CDH3: variants seen among roughly 807,000 people sequenced by gnomAD.
The protein encoded by CDH3 is cadherin 3.
CDH3 carries 54 observed loss-of-function variants against 82.0 expected under a neutral mutation model. The ratio of observed to expected loss-of-function variants is 0.66; its 90% CI spans 0.53 to 0.83. The LOEUF (loss-of-function observed/expected upper bound fraction) is 0.83. Among genes scored for constraint, CDH3 ranks in the 40% least tolerant of loss-of-function variants. The pLI is 0.00. For missense variants in CDH3, 1,054 were observed against 1,084.6 expected, an observed-to-expected ratio of 0.97 and a Z score of 0.40; for synonymous variants, 446 against 437.9, an observed-to-expected ratio of 1.02 and a Z score of -0.23.
intron 1 of CDH3, among the ~76,000 whole-genome samples, chr16:68,721,031 G>A (rs1015624415): frequency 6.6e-6 from 1 of 151,990 alleles, no homozygotes. Flanking sequence ...TAATTGACAA[G>A]AACCTAGGTG....
At chr16:68,650,089 G>T (rs1223700884) in intron 2 of CDH3, among the ~76,000 whole-genome samples, 1 of 151,752 alleles carries the variant, frequency 6.6e-6, no homozygotes, top group Admixed American at 6.6e-5. Flanking sequence ...ATGGAGAGGG[G>T]GTCAGGTTTA....
intron 2 of CDH3, among the ~76,000 whole-genome samples, chr16:68,670,642 T>C (rs1259302863): frequency 6.6e-6 from 1 of 152,252 alleles, no homozygotes; most frequent in Non-Finnish European, 1.5e-5. Context: ...ATGATGGTTC[T>C]GTGAAGTGTA....
At chr16:68,648,990 G>A (rs1300259468) in intron 2 of CDH3, among the ~76,000 whole-genome samples, 1 of 152,058 alleles carries the variant, frequency 6.6e-6, no homozygotes, top group African/African-American at 2.4e-5. Flanking sequence ...AGGTTAATCT[G>A]GAGGGAAGGA....
At chr16:68,731,431 C>CAT (rs1444854253), downstream of CDH3, among the ~76,000 whole-genome samples, 50 of 20,450 alleles carry the variant, frequency 2.4e-3, 1 homozygote, top group African/African-American at 0.011. Context: ...CACATATATA[C>CAT]ACATATATAT....
chr16:68,655,623 C>T (rs1960392963), intron 2 of CDH3, among the ~76,000 whole-genome samples: 1 of 152,174 alleles, frequency 6.6e-6, no homozygotes, highest in African/African-American at 2.4e-5. Context: ...GCAGGCGGAT[C>T]ACTTGAGGTC....
chr16:68,712,931 C>T (rs1227551080), intron 1 of CDH3, among the ~76,000 whole-genome samples: 1 of 152,158 alleles, frequency 6.6e-6, no homozygotes, highest in East Asian at 1.9e-4. Context: ...ATCCACCCGC[C>T]TCAGCCTCCC....
Position 68,695,838 on chromosome 16 carries a change from A to G in CDH3, c.2195A>G (p.Asn732Ser). The G allele has an allele frequency of 6.2e-7, 1 of 1,614,110 alleles. No individual in the cohort carries two copies. Residue 732 changes from asparagine (N) to serine (S), a missense_variant, in exon 15 of 16, where the codon AAT (asparagine) becomes AGT (serine). Physicochemically the swap from Asn to Ser is conservative, Grantham distance 46. Transcript: ENST00000264012. ...LEARPEVVLR[N>S]DVAPTIIPTP... The stretch of plus-strand genomic sequence containing the variant: ...GCCAGGCCGGAGGTGGTTCTCCGCA[A>G]TGACGTGGCACCAACCATCATCCCG...
chr16:68,695,321 CAGA>C lies in CDH3; in HGVS notation c.2073_2075del (p.Glu691del), dbSNP rs771630366. On this transcript the variant is annotated inframe_deletion, in exon 14 of 16. Coordinates refer to ENST00000264012, the MANE Select transcript of CDH3 (RefSeq NM_001793.6). Reference sequence around the variant, plus strand: ...AAGATCAAGGAGCCCCTCCTACTCCCAGAAGATGACACCCGTGACAACGTCTTC... The same window carrying C: ...AAGATCAAGGAGCCCCTCCTACTCCCAGATGACACCCGTGACAACGTCTTC... 1 of 1,614,036 alleles carries C rather than the reference CAGA, an allele frequency of 6.2e-7. No homozygotes were observed.
chr16:68,683,525 G>A lies in CDH3; in HGVS notation c.1182+1038G>A, dbSNP rs188424012. 9.3e-4 allele frequency among the ~76,000 whole-genome samples: 141 copies of A among 151,526 alleles called. No individual in the cohort carries two copies. In the East Asian group the frequency reaches 0.025, roughly 27 times the overall value. Reference sequence around the variant, plus strand: ...AAATTAGCTGGGCGTGGTGGCAGGCGCCTGTAGTCCCAGCTACTTGGGAGG... The same window carrying A: ...AAATTAGCTGGGCGTGGTGGCAGGCACCTGTAGTCCCAGCTACTTGGGAGG... On this transcript the variant is annotated intron_variant, in intron 9 of 15. Coordinates refer to ENST00000264012, the MANE Select transcript of CDH3 (RefSeq NM_001793.6).
chr16:68,727,132 T>C (rs1962227952), intron 2 of CDH3, among the ~76,000 whole-genome samples: 1 of 151,978 alleles, frequency 6.6e-6, no homozygotes, highest in South Asian at 2.1e-4. Context: ...TCACTCACTT[T>C]CTCTCTCTCT....
At chr16:68,651,003 T>TG in intron 2 of CDH3, 1 of 309,310 alleles carries the variant, frequency 3.2e-6, no homozygotes. Flanking sequence ...GGAGACGATG[T>TG]GGGGAGAGAG....
Position 68,661,743 on chromosome 16 carries a change from C to T in CDH3, c.161-14642C>T, listed in dbSNP as rs576009740. On this transcript the variant is annotated intron_variant, in intron 2 of 15. Coordinates refer to ENST00000264012, the MANE Select transcript of CDH3 (RefSeq NM_001793.6). ...TTACTCTGTATCCTAGGCTGGAATT[C>T]AATGGCGCGATCTCAGCTCGCTGCA... is the stretch of plus-strand genomic sequence containing the variant. Among the ~76,000 whole-genome samples, 4 of 152,328 alleles carry T rather than the reference C, an allele frequency of 2.6e-5. No individual in the cohort carries two copies. In the South Asian group the frequency reaches 6.2e-4, roughly 24 times the overall value.
In CDH3 at chr16:68,698,226, G is replaced by T; in HGVS notation, c.2316G>T (p.Pro772=). ...LKAANTDPTA[P]PYDTLLVFDY... ...CGGCTAACACAGACCCCACAGCCCCGCCCTACGACACCCTCTTGGTGTTCG... is the reference window on the plus strand; with the variant it reads ...CGGCTAACACAGACCCCACAGCCCCTCCCTACGACACCCTCTTGGTGTTCG... Residue 772 remains proline (P), a synonymous_variant, in exon 16 of 16, where the codon CCG becomes CCT. Transcript: ENST00000264012. The T allele has an allele frequency of 6.2e-7, 1 of 1,614,202 alleles. No homozygotes were observed. The highest frequency in any genetic ancestry group is 8.5e-7 in the Non-Finnish European group (1 of 1,180,040).
rs2152091709 is a variant in CDH3 at position 68,656,187 on chromosome 16, T to TG, written c.160+10441dup. The stretch of plus-strand genomic sequence containing the variant: ...CCCATAACAGAGGCAGCAAAGTGTT[T>TG]GGGGAAATCCCAGTTGTACCAGTAT... On this transcript the variant is annotated intron_variant, in intron 2 of 15. Coordinates refer to ENST00000264012, the MANE Select transcript of CDH3 (RefSeq NM_001793.6). 1.3e-5 allele frequency among the ~76,000 whole-genome samples: 2 copies of TG among 152,196 alleles called. 1 individual carries two copies. Among genetic ancestry groups the TG allele is most frequent in the East Asian group, 3.9e-4 (2 of 5,170 alleles).
In CDH3 at chr16:68,684,837, T is replaced by C; in HGVS notation, c.1424+13T>C. 1 of 1,614,056 alleles carries C rather than the reference T, an allele frequency of 6.2e-7. No homozygotes were observed. Among genetic ancestry groups the C allele is most frequent in the African/African-American group, 1.3e-5 (1 of 75,058 alleles). ...ATCAAAAGATCAGGTACTCAGGAGC[T>C]GGGCTCAGTAAGCAGCACGTACTGG... On this transcript the variant is annotated intron_variant, in intron 10 of 15. Transcript: ENST00000264012.
At chr16:68,694,994 G>T (rs1961674083) in intron 13 of CDH3, among the ~76,000 whole-genome samples, 2 of 152,152 alleles carry the variant, frequency 1.3e-5, no homozygotes, top group African/African-American at 4.8e-5. Flanking sequence ...GGAAGTTGCT[G>T]GGGGTATTCA....
At position 68,691,665 on chromosome 16, in the gene CDH3, C is replaced by A; in HGVS notation, c.1796-55C>A. ...ATTCTCAAACTTTCTTCATGGTGTA[C>A]TCAGATCCCCGCACTGATGGTTCCC... On this transcript the variant is annotated intron_variant, in intron 12 of 15. Transcript: ENST00000264012. 6 of 1,383,914 alleles carry A rather than the reference C, an allele frequency of 4.3e-6. No individual in the cohort carries two copies. The South Asian group carries it at 7.0e-5, about 16-fold the overall frequency. 85.7% of individuals were successfully genotyped at this position (1,383,914 alleles called of 1,614,324 possible).
At chr16:68,662,736 CGG>C (rs1394912216) in intron 2 of CDH3, among the ~76,000 whole-genome samples, 2 of 151,138 alleles carry the variant, frequency 1.3e-5, no homozygotes, top group Non-Finnish European at 2.9e-5. Context: ...TTAGTAGAGA[CGG>C]AGTTTCACCG....
chr16:68,684,409 G>A (rs529717234), intron 9 of CDH3, among the ~76,000 whole-genome samples, 174 bp from the exon 10 acceptor site: 1 of 152,310 alleles, frequency 6.6e-6, no homozygotes, highest in South Asian at 2.1e-4. Flanking sequence ...GGCCCCATTA[G>A]ATGTGCACTC....
Sources: allele counts gnomAD v4.1 joint callset (sites outside exome capture counted in the v4.1 genomes callset), GRCh38; gene constraint gnomAD v4.1.1; transcripts MANE v1.5; gene names NCBI Gene and HGNC (gene_info 2026-07-23, HGNC 2026-07-21).